GALM: variants seen among roughly 807,000 people sequenced by gnomAD.
GALM encodes the protein aldose 1-epimerase.
In GALM, 43 loss-of-function variants were observed where a neutral mutation model predicts 37.4. That is an observed-to-expected ratio of 1.15 (90% confidence interval 0.90 to 1.48). The LOEUF is 1.48. Among genes scored for constraint, GALM ranks in the 40% most tolerant of loss-of-function variants. The pLI is 0.00. For synonymous variants in GALM, 199 were observed against 170.6 expected (o/e 1.17, Z -1.30); for missense variants, 456 against 419.1 (o/e 1.09, Z -0.77).
intron 4 of GALM, among the ~76,000 whole-genome samples, chr2:38,701,981 C>G (rs1665930519): frequency 6.6e-6 from 1 of 152,182 alleles, no homozygotes; most frequent in Non-Finnish European, 1.5e-5. Flanking sequence ...TCAGGTCCTA[C>G]TGATTTTTAA....
intron 4 of GALM, among the ~76,000 whole-genome samples, chr2:38,719,834 G>A (rs985364886): frequency 2.0e-5 from 3 of 146,716 alleles, no homozygotes; most frequent in African/African-American, 5.0e-5. Flanking sequence ...AGTGACCCCC[G>A]AGGCTGAGTT....
intron 3 of GALM, among the ~76,000 whole-genome samples, chr2:38,684,779 C>T (rs1443656518): frequency 6.6e-6 from 1 of 152,128 alleles, no homozygotes; most frequent in Non-Finnish European, 1.5e-5. Flanking sequence ...TGGACTCCAT[C>T]TTGGATGACA....
intron 4 of GALM, among the ~76,000 whole-genome samples, chr2:38,706,749 C>G (rs1666042685): frequency 6.6e-6 from 1 of 151,530 alleles, no homozygotes; most frequent in Non-Finnish European, 1.5e-5. Flanking sequence ...GTTGTTGGAG[C>G]TGGGCACAAT....
At chr2:38,716,960 A>G (rs1447745442) in intron 4 of GALM, among the ~76,000 whole-genome samples, 1 of 152,206 alleles carries the variant, frequency 6.6e-6, no homozygotes, top group Non-Finnish European at 1.5e-5. Flanking sequence ...TGAAAGATTT[A>G]CGCTATGGGG....
Position 38,734,692 on chromosome 2 carries a change from A to AG in GALM, c.*1127_*1128insG, listed in dbSNP as rs1396330210. The AG allele has an allele frequency of 2.0e-5, 3 of 150,990 alleles. No homozygotes were observed. The highest frequency in any genetic ancestry group is 4.2e-4 in the South Asian group (2 of 4,772). 9.4% of individuals were successfully genotyped at this position (150,990 alleles called of 1,614,324 possible). ...GATGGGTTTTGGTTGGTGATTTTGAAAAAAAAAAAAAAAAGTATGTTATAC... is the reference window on the plus strand; with the variant it reads ...GATGGGTTTTGGTTGGTGATTTTGAAGAAAAAAAAAAAAAAGTATGTTATAC... On this transcript the variant is annotated 3_prime_UTR_variant, in exon 7 of 7. Coordinates refer to ENST00000272252, the MANE Select transcript of GALM (RefSeq NM_138801.3).
chr2:38,721,525 C>T (rs1166441767), intron 4 of GALM, among the ~76,000 whole-genome samples: 1 of 152,030 alleles, frequency 6.6e-6, no homozygotes, highest in African/African-American at 2.4e-5. Context: ...CACTCTGCTT[C>T]TTTTTTGAGA....
chr2:38,710,310 A>G (rs1219062373), intron 4 of GALM, among the ~76,000 whole-genome samples: 1 of 152,166 alleles, frequency 6.6e-6, no homozygotes, highest in East Asian at 1.9e-4. Flanking sequence ...TTACTCCCCT[A>G]TCCAGTGTTT....
intron 4 of GALM, among the ~76,000 whole-genome samples, chr2:38,690,457 G>C (rs1665647135): frequency 6.6e-6 from 1 of 152,030 alleles, no homozygotes; most frequent in South Asian, 2.1e-4. Context: ...TGCGGGAGGG[G>C]ATAGGGTCTC....
rs76442673 is a variant in GALM, at chr2:38,723,006, G to A, written c.635-6550G>A. Among the ~76,000 whole-genome samples, 1,103 of 152,196 alleles carry A rather than the reference G, an allele frequency of 7.2e-3. 11 individuals are homozygous for A. The highest frequency in any genetic ancestry group is 0.026 in the African/African-American group (1,065 of 41,528). ...CCCCTTTCTAGATCTTTCATTCTTC[G>A]TCACCAGATGCTACAATATACACAG... On this transcript the variant is annotated intron_variant, in intron 4 of 6. Transcript: ENST00000272252.
At chr2:38,696,754 G>A (rs1022279788) in intron 4 of GALM, among the ~76,000 whole-genome samples, 6 of 143,840 alleles carry the variant, frequency 4.2e-5, no homozygotes, top group East Asian at 4.2e-4. Context: ...TTACAGGCGT[G>A]AGCCACCGCA....
At chr2:38,667,605 A>G (rs1664981553) in intron 1 of GALM, among the ~76,000 whole-genome samples, 1 of 148,940 alleles carries the variant, frequency 6.7e-6, no homozygotes, top group African/African-American at 2.5e-5. Flanking sequence ...CCTCAGGGAA[A>G]AAAACAAAAC....
intron 1 of GALM, chr2:38,668,659 C>A (rs144857215): frequency 6.6e-6 from 1 of 151,820 alleles, no homozygotes; most frequent in Non-Finnish European, 1.5e-5. Flanking sequence ...TGACAGAGGC[C>A]GGCATGGTGG....
At chr2:38,698,742 C>G (rs1025162894) in intron 4 of GALM, among the ~76,000 whole-genome samples, 1 of 152,134 alleles carries the variant, frequency 6.6e-6, no homozygotes, top group Non-Finnish European at 1.5e-5. Context: ...ACTGCAGTGC[C>G]AGATCCCTGT....
Position 38,733,967 on chromosome 2 carries a change from G to A in GALM, c.*402G>A. ...CCTCCTTCACCTCCAACCACTGTCA[G>A]CAGCACTCTGGAGTTTTCAAATGTC... is the stretch of plus-strand genomic sequence containing the variant. On this transcript the variant is annotated 3_prime_UTR_variant, in exon 7 of 7. Coordinates refer to ENST00000272252, the MANE Select transcript of GALM (RefSeq NM_138801.3). 3.5e-6 allele frequency: 1 copy of A among 289,308 alleles called. No individual in the cohort carries two copies. Among genetic ancestry groups the A allele is most frequent in the Non-Finnish European group, 6.8e-6 (1 of 146,906 alleles). The allele number at this position is 289,308 out of a possible 1,614,324, so 17.9% of individuals were successfully genotyped here. A position where few individuals can be genotyped will look rare whatever the true frequency, so the allele number is the denominator to read the frequency against.
chr2:38,673,815 A>AG (rs1301178947), intron 1 of GALM, among the ~76,000 whole-genome samples: 2 of 150,680 alleles, frequency 1.3e-5, no homozygotes, highest in Non-Finnish European at 2.9e-5. Flanking sequence ...GTCTCAAAAA[A>AG]AAAAAAAAAG....
chr2:38,719,583 T>C (rs1374562875), intron 4 of GALM, among the ~76,000 whole-genome samples: 3 of 151,420 alleles, frequency 2.0e-5, no homozygotes, highest in Non-Finnish European at 4.4e-5. Context: ...AAGACCAACC[T>C]GGCCAACATG....
At chr2:38,717,067 A>G (rs1280135713) in intron 4 of GALM, among the ~76,000 whole-genome samples, 1 of 152,042 alleles carries the variant, frequency 6.6e-6, no homozygotes, top group Non-Finnish European at 1.5e-5. Flanking sequence ...CCTGACCAAC[A>G]TGGCAAAACC....
intron 1 of GALM, chr2:38,668,819 T>TAAA (rs1665019702): frequency 6.6e-6 from 1 of 151,840 alleles, no homozygotes; most frequent in African/African-American, 2.4e-5. Flanking sequence ...AAAAAATTTT[T>TAAA]TTAAATACTT....
chr2:38,706,506 C>T (rs1246510675), intron 4 of GALM, among the ~76,000 whole-genome samples: 18 of 130,146 alleles, frequency 1.4e-4, no homozygotes, highest in African/African-American at 5.3e-4. Context: ...GAGACCCCAT[C>T]TCTACAAAAA....
Sources: gnomAD v4.1 joint callset for allele counts (sites outside exome capture counted in the v4.1 genomes callset) on GRCh38, gnomAD v4.1.1 for gene constraint, MANE v1.5 for transcripts, NCBI Gene and HGNC (gene_info 2026-07-23, HGNC 2026-07-21) for gene names.